The following SLC26A5 variants were observed in gnomAD, a reference collection of about 807,000 sequenced individuals.
SLC26A5 encodes solute carrier family 26 member 5.
A neutral mutation model predicts 81.0 loss-of-function variants in SLC26A5; 51 were observed. That is an observed-to-expected ratio of 0.63 (90% CI 0.50 to 0.80). The LOEUF (loss-of-function observed/expected upper bound fraction) is 0.80, where lower values mean the gene tolerates loss of function less well. Among genes scored for constraint, SLC26A5 ranks in the 30% least tolerant of loss-of-function variants. The pLI is 0.00. For missense variants in SLC26A5, 771 were observed against 905.8 expected, an observed-to-expected ratio of 0.85 and a Z score of 1.91; for synonymous variants, 325 against 332.8, an observed-to-expected ratio of 0.98 and a Z score of 0.25.
At chr7:103,354,171 A>G (rs1302444456) in intron 19 of SLC26A5, among the ~76,000 whole-genome samples, 1 of 152,194 alleles carries the variant, frequency 6.6e-6, no homozygotes, top group East Asian at 1.9e-4. Context: ...AGTTTATAGA[A>G]TAGATCAAAG....
At chr7:103,371,695 A>ATT (rs72068482), downstream of SLC26A5, among the ~76,000 whole-genome samples, 44 of 127,084 alleles carry the variant, frequency 3.5e-4, 1 homozygote, top group East Asian at 4.3e-3. Context: ...ATGTGCAATA[A>ATT]TTTTTTTTTT....
rs776502618 is a variant in SLC26A5, at chr7:103,355,579, ATAG to A, written c.2042-2656_2042-2654del. On this transcript the variant is annotated intron_variant, in intron 19 of 19. Coordinates refer to the SLC26A5 transcript ENST00000339444. ...TACTAAACAGTCTATAATGCACATG[ATAG>A]TCCTCACAATGAATGATTCAGTGCA... 12 of 754,780 alleles carry A rather than the reference ATAG, an allele frequency of 1.6e-5. 1 individual carries two copies. In the South Asian group the frequency reaches 2.0e-4, roughly 12 times the overall value. 46.8% of individuals were successfully genotyped at this position (754,780 alleles called of 1,614,324 possible).
At chr7:103,384,028 G>C (rs888295955) in intron 14 of SLC26A5, among the ~76,000 whole-genome samples, 2 of 152,102 alleles carry the variant, frequency 1.3e-5, no homozygotes, top group Admixed American at 1.3e-4. Context: ...CATCATGGGA[G>C]GCTGAGGTGG....
At chr7:103,419,845 C>T (rs982893562) in intron 4 of SLC26A5, among the ~76,000 whole-genome samples, 15 of 151,968 alleles carry the variant, frequency 9.9e-5, no homozygotes, top group African/African-American at 3.6e-4. Flanking sequence ...GCCCTAGATC[C>T]ACTATTTTTA....
intron 4 of SLC26A5, among the ~76,000 whole-genome samples, chr7:103,414,052 A>G (rs1338739628): frequency 6.6e-6 from 1 of 152,144 alleles, no homozygotes; most frequent in African/African-American, 2.4e-5. Context: ...CAAATGTACA[A>G]TGACAGGTAG....
intron 19 of SLC26A5, among the ~76,000 whole-genome samples, chr7:103,360,361 CT>C (rs1554574396): frequency 1.3e-5 from 2 of 151,330 alleles, no homozygotes; most frequent in East Asian, 1.9e-4. Context: ...TGGTCAGCCT[CT>C]TTTTTTTTGG....
At chr7:103,430,599 T>TTCCAGCA (rs6150261) in intron 2 of SLC26A5, among the ~76,000 whole-genome samples, 1 of 151,676 alleles carries the variant, frequency 6.6e-6, no homozygotes, top group South Asian at 2.1e-4. Context: ...CCAGAGAGGA[T>TTCCAGCA]GGCTTTGGAG....
At chr7:103,436,868 T>C (rs1826490368) in intron 2 of SLC26A5, among the ~76,000 whole-genome samples, 1 of 152,186 alleles carries the variant, frequency 6.6e-6, no homozygotes, top group African/African-American at 2.4e-5. Flanking sequence ...GAAAGCTCCA[T>C]GATGCTGGTC....
intron 6 of SLC26A5, 81 bp downstream of exon 6, chr7:103,411,339 G>A: frequency 6.4e-7 from 1 of 1,554,796 alleles, no homozygotes; most frequent in East Asian, 2.2e-5. Context: ...CCACCGTGTA[G>A]TAAGACCAGC....
At chr7:103,365,947 A>C in intron 19 of SLC26A5, 1 of 738,016 alleles carries the variant, frequency 1.4e-6, no homozygotes, top group Non-Finnish European at 2.2e-6. Flanking sequence ...AAAAAATAAA[A>C]AACGTTTAGG....
chr7:103,435,785 C>T (rs1442654414), intron 2 of SLC26A5, among the ~76,000 whole-genome samples: 2 of 152,128 alleles, frequency 1.3e-5, no homozygotes, highest in Non-Finnish European at 2.9e-5. Flanking sequence ...ATTCTTGGTT[C>T]TGTTTAATCA....
At chr7:103,374,065 C>A, downstream of SLC26A5, 8 of 583,914 alleles carry the variant, frequency 1.4e-5, no homozygotes, top group Non-Finnish European at 1.8e-5. Context: ...TCAACAAGTA[C>A]AAAAACAAAG....
At position 103,387,277 on chromosome 7, in the gene SLC26A5, T is replaced by G. The variant is rs555106432; in HGVS notation, c.1514+1731A>C. 7.2e-4 allele frequency among the ~76,000 whole-genome samples: 109 copies of G among 152,330 alleles called. 1 individual carries two copies. The highest frequency in any genetic ancestry group is 2.5e-3 in the African/African-American group (105 of 41,580). ...CATTTTTCTGTTATGTCATTTGTGA[T>G]GATGAAAATGCTCATTTCCCACCCT... On this transcript the variant is annotated intron_variant, in intron 14 of 19. Coordinates refer to ENST00000306312, the MANE Select transcript of SLC26A5 (RefSeq NM_198999.3).
chr7:103,389,395 G>T lies in SLC26A5; in HGVS notation c.1341C>A (p.Asn447Lys). 2 of 1,614,006 alleles carry T rather than the reference G, an allele frequency of 1.2e-6. No homozygotes were observed. Among genetic ancestry groups the T allele is most frequent in the South Asian group, 2.2e-5 (2 of 91,076 alleles). Residue 447 changes from asparagine to lysine, a missense_variant, in exon 13 of 20, where the codon AAC becomes AAA. Coordinates refer to ENST00000306312, the MANE Select transcript of SLC26A5 (RefSeq NM_198999.3). ...AGAACTGCATAAACATTCCCTTCAG[G>T]TTGACAATCACAATGGCCGACAGCA... The part of the protein sequence containing the change: ...QAVLSAIVIV[N>K]LKGMFMQFSD...
chr7:103,374,737 T>C, intron 19 of SLC26A5, 145 bp from the exon 20 acceptor site: 1 of 775,278 alleles, frequency 1.3e-6, no homozygotes, highest in South Asian at 1.8e-5. Context: ...TCTCACTCTG[T>C]CACCCAGGCT....
intron 8 of SLC26A5, among the ~76,000 whole-genome samples, chr7:103,405,490 T>C (rs937380685): frequency 6.6e-6 from 1 of 152,210 alleles, no homozygotes; most frequent in Admixed American, 6.5e-5. Context: ...CCAGACCCTG[T>C]TTGCCTGGGT....
Position 103,413,075 on chromosome 7 carries a change from T to TA in SLC26A5, c.329dup (p.Phe111IlefsTer31), listed in dbSNP as rs781516548. On this transcript the variant is annotated frameshift_variant, in exon 5 of 20. Coordinates refer to ENST00000306312, the MANE Select transcript of SLC26A5 (RefSeq NM_198999.3). LOFTEE classifies it high-confidence loss of function. ...GGTAAAATGAAGAGTACAGGCCAAA[T>TA]ATTGGAGGCACAGCTGCCAGCATTG... 6.2e-7 allele frequency: 1 copy of TA among 1,613,858 alleles called. No individual in the cohort carries two copies. Among genetic ancestry groups the TA allele is most frequent in the Admixed American group, 1.7e-5 (1 of 60,016 alleles).
chr7:103,353,380 C>T (rs930684902), intron 19 of SLC26A5, among the ~76,000 whole-genome samples: 2 of 152,150 alleles, frequency 1.3e-5, no homozygotes, highest in African/African-American at 2.4e-5. Flanking sequence ...GATTTGGGCT[C>T]ACTGCAACCT....
intron 12 of SLC26A5, among the ~76,000 whole-genome samples, chr7:103,390,014 A>G (rs532314289): frequency 6.6e-6 from 1 of 152,274 alleles, no homozygotes; most frequent in East Asian, 1.9e-4. Flanking sequence ...TATTTCACCT[A>G]TGGTCTTTCT....
Sources: allele counts gnomAD v4.1 joint callset (sites outside exome capture counted in the v4.1 genomes callset), GRCh38; gene constraint gnomAD v4.1.1; transcripts MANE v1.5; gene names NCBI Gene and HGNC (gene_info 2026-07-23, HGNC 2026-07-21).